NTRK3: variants seen among roughly 807,000 people sequenced by gnomAD.
The protein encoded by NTRK3 is neurotrophic receptor tyrosine kinase 3.
NTRK3 carries 24 observed loss-of-function variants against 91.7 expected under a neutral mutation model. The ratio of observed to expected loss-of-function variants is 0.26; its 90% confidence interval spans 0.19 to 0.37. NTRK3 has a LOEUF of 0.37. NTRK3 is among the 10% of genes least tolerant of loss of function. NTRK3 has a pLI of 1.00. For synonymous variants in NTRK3, 483 were observed against 404.0 expected (o/e 1.20, Z -2.34); for missense variants, 880 against 1,068.9 (o/e 0.82, Z 2.46).
At chr15:88,171,750 GGTTCACAGCCTA>G (rs1053963949) in intron 5 of NTRK3, among the ~76,000 whole-genome samples, 58 of 152,172 alleles carry the variant, frequency 3.8e-4, no homozygotes, top group African/African-American at 1.3e-3. Context: ...GTCAAACTTG[GGTTCACAGCCTA>G]GTCTGCCCAC....
At chr15:87,977,886 C>T in intron 14 of NTRK3, 1 of 232,738 alleles carries the variant, frequency 4.3e-6, no homozygotes, top group Non-Finnish European at 8.5e-6. Flanking sequence ...TCCAAACTCC[C>T]AGTTAAATTT....
chr15:87,902,008 A>C (rs1308661190), intron 17 of NTRK3, among the ~76,000 whole-genome samples: 1 of 152,236 alleles, frequency 6.6e-6, no homozygotes, highest in East Asian at 1.9e-4. Context: ...CACATTTTGG[A>C]CAATGTGATA....
rs185533639 is a variant in NTRK3 at position 87,955,937 on chromosome 15, G to C, written c.1586-15184C>G. On this transcript the variant is annotated intron_variant, in intron 14 of 18. Transcript: ENST00000394480. ...CAGCAGGGAATAAGAGACTCTTCTC[G>C]TCCTCCTGGAGCTCATCGGTATAGA... Among the ~76,000 whole-genome samples, 142 of 152,176 alleles carry C rather than the reference G, an allele frequency of 9.3e-4. 1 individual carries two copies. Among genetic ancestry groups the C allele is most frequent in the East Asian group, 6.4e-3 (33 of 5,162 alleles).
At chr15:87,912,621 G>GCTCT (rs112477797) in intron 17 of NTRK3, among the ~76,000 whole-genome samples, 24,270 of 148,928 alleles carry the variant, frequency 0.16, 2,086 homozygotes, top group Middle Eastern at 0.27. Flanking sequence ...AGGGACATCT[G>GCTCT]CTCTCTCTCT....
intron 14 of NTRK3, among the ~76,000 whole-genome samples, chr15:87,970,566 A>G (rs557908691): frequency 4.0e-4 from 61 of 152,336 alleles, no homozygotes; most frequent in Middle Eastern, 3.4e-3. Flanking sequence ...TAAATGAAGA[A>G]TGTTTTGTGT....
chr15:88,069,237 C>G (rs1419424367), intron 13 of NTRK3, among the ~76,000 whole-genome samples: 1 of 152,150 alleles, frequency 6.6e-6, no homozygotes, highest in Non-Finnish European at 1.5e-5. Context: ...CCTTCTCAAT[C>G]CAAAGTGGCA....
At chr15:88,022,851 T>G (rs1341170314) in intron 14 of NTRK3, among the ~76,000 whole-genome samples, 1 of 152,212 alleles carries the variant, frequency 6.6e-6, no homozygotes, top group African/African-American at 2.4e-5. Flanking sequence ...TTAGCATGAC[T>G]GCATGCAGCT....
chr15:87,939,213 C>A (rs1402880767), intron 15 of NTRK3, among the ~76,000 whole-genome samples: 1 of 152,108 alleles, frequency 6.6e-6, no homozygotes, highest in Non-Finnish European at 1.5e-5. Context: ...GTAATATCAA[C>A]ATCAATGACA....
intron 16 of NTRK3, among the ~76,000 whole-genome samples, chr15:87,932,379 C>G (rs2068878041): frequency 6.6e-6 from 1 of 152,156 alleles, no homozygotes; most frequent in South Asian, 2.1e-4. Context: ...CTACTGCAAC[C>G]AAGGAACTAG....
intron 5 of NTRK3, among the ~76,000 whole-genome samples, chr15:88,172,013 G>T (rs2045567916): frequency 6.6e-6 from 1 of 152,234 alleles, no homozygotes; most frequent in Non-Finnish European, 1.5e-5. Flanking sequence ...GACCCTGTCT[G>T]CAGTTTGCAT....
chr15:88,078,092 T>C (rs1446163670), intron 13 of NTRK3, among the ~76,000 whole-genome samples: 2 of 152,136 alleles, frequency 1.3e-5, no homozygotes, highest in African/African-American at 2.4e-5. Flanking sequence ...ACATTCAGAG[T>C]TGGACAGAAG....
intron 3 of NTRK3, chr15:88,252,739 T>A (rs1006265003): frequency 6.6e-6 from 1 of 152,196 alleles, no homozygotes; most frequent in Non-Finnish European, 1.5e-5. Flanking sequence ...TATCAACAGC[T>A]GCAAAGGCAA....
intron 14 of NTRK3, among the ~76,000 whole-genome samples, chr15:88,024,725 A>C (rs1458063298): frequency 6.6e-6 from 1 of 152,202 alleles, no homozygotes; most frequent in Non-Finnish European, 1.5e-5. Context: ...ACATGTAGGG[A>C]AAGAGAAAGT....
At chr15:87,925,831 G>C (rs925237624) in intron 17 of NTRK3, among the ~76,000 whole-genome samples, 7 of 152,164 alleles carry the variant, frequency 4.6e-5, no homozygotes, top group African/African-American at 1.7e-4. Flanking sequence ...TTATCTTCTA[G>C]TGGTCACGGA....
chr15:88,179,821 T>G (rs2046305855), intron 5 of NTRK3, among the ~76,000 whole-genome samples: 1 of 152,174 alleles, frequency 6.6e-6, no homozygotes, highest in South Asian at 2.1e-4. Flanking sequence ...GAGGCCTACA[T>G]ACAGTCTAGA....
At chr15:88,106,035 G>A (rs1448611578) in intron 13 of NTRK3, among the ~76,000 whole-genome samples, 1 of 152,252 alleles carries the variant, frequency 6.6e-6, no homozygotes, top group Non-Finnish European at 1.5e-5. Context: ...GTGAGCATTT[G>A]TAGGTGTGTA....
chr15:87,975,367 G>A (rs537504642), intron 14 of NTRK3, among the ~76,000 whole-genome samples: 2 of 152,286 alleles, frequency 1.3e-5, no homozygotes, highest in South Asian at 4.1e-4. Context: ...GATCCAGGGA[G>A]CGCCTGGCAA....
intron 13 of NTRK3, among the ~76,000 whole-genome samples, chr15:88,122,774 C>A (rs1462753234): frequency 6.6e-6 from 1 of 152,222 alleles, no homozygotes; most frequent in Non-Finnish European, 1.5e-5. Flanking sequence ...CTACTTCCCA[C>A]TGCCCAGACA....
intron 13 of NTRK3, among the ~76,000 whole-genome samples, chr15:88,067,489 T>A (rs577315520): frequency 5.9e-5 from 9 of 152,340 alleles, no homozygotes; most frequent in Admixed American, 4.6e-4. Context: ...CCCAGGGGGA[T>A]GGGTTTTGCC....
Sources: allele counts gnomAD v4.1 joint callset (sites outside exome capture counted in the v4.1 genomes callset), GRCh38; gene constraint gnomAD v4.1.1; transcripts MANE v1.5; gene names NCBI Gene and HGNC (gene_info 2026-07-23, HGNC 2026-07-21).